DAAM1: variants seen among roughly 807,000 people sequenced by gnomAD.
DAAM1 encodes the protein dishevelled associated activator of morphogenesis 1, also known as disheveled-associated activator of morphogenesis 1.
DAAM1 carries 52 observed loss-of-function variants against 130.0 expected under a neutral mutation model. The ratio of observed to expected loss-of-function variants is 0.40; its 90% CI spans 0.32 to 0.50. The LOEUF (loss-of-function observed/expected upper bound fraction) is 0.50, where lower values mean the gene tolerates loss of function less well. DAAM1 is among the 20% of genes least tolerant of loss of function. The pLI, the probability that DAAM1 is intolerant of heterozygous loss-of-function variation, is 0.61. For missense variants in DAAM1, 1,134 were observed against 1,303.8 expected, an observed-to-expected ratio of 0.87 and a Z score of 2.01; for synonymous variants, 452 against 444.5, an observed-to-expected ratio of 1.02 and a Z score of -0.21.
chr14:59,350,715 A>G (rs1886258587), intron 17 of DAAM1, among the ~76,000 whole-genome samples: 1 of 152,014 alleles, frequency 6.6e-6, no homozygotes, highest in South Asian at 2.1e-4. Flanking sequence ...GTTGGCACCC[A>G]TGGCTGCATG....
At chr14:59,236,077 C>T (rs574713331) in intron 1 of DAAM1, among the ~76,000 whole-genome samples, 2 of 152,084 alleles carry the variant, frequency 1.3e-5, no homozygotes, top group Admixed American at 1.3e-4. Context: ...AAATTTTGTT[C>T]CCCCCAACCC....
chr14:59,325,886 C>G, intron 9 of DAAM1, 74 bp from the exon 10 acceptor site: 1 of 1,545,354 alleles, frequency 6.5e-7, no homozygotes, highest in Non-Finnish European at 8.9e-7. Context: ...CTTCTGTTTG[C>G]TTTGAGTTTA....
chr14:59,256,965 G>A (rs1881920549), intron 1 of DAAM1, among the ~76,000 whole-genome samples: 1 of 152,144 alleles, frequency 6.6e-6, no homozygotes, highest in Non-Finnish European at 1.5e-5. Flanking sequence ...TTTTATCAGC[G>A]AGTCTCTTTT....
intron 1 of DAAM1, among the ~76,000 whole-genome samples, chr14:59,202,477 A>G (rs764191791): frequency 9.2e-5 from 14 of 152,242 alleles, no homozygotes; most frequent in Non-Finnish European, 1.9e-4. Context: ...CCCATAAACC[A>G]TAAAAGCAAC....
chr14:59,251,602 C>G (rs903628628), intron 1 of DAAM1, among the ~76,000 whole-genome samples: 6 of 152,132 alleles, frequency 3.9e-5, no homozygotes, highest in African/African-American at 1.4e-4. Flanking sequence ...AGCTGACATA[C>G]CAACTTAATG....
At chr14:59,261,772 A>G (rs1159479993) in intron 1 of DAAM1, among the ~76,000 whole-genome samples, 1 of 152,194 alleles carries the variant, frequency 6.6e-6, no homozygotes, top group Non-Finnish European at 1.5e-5. Context: ...CAGATTTTGG[A>G]GTTGGATTAT....
chr14:59,331,534 T>G (rs1295841812), intron 14 of DAAM1, 26 bp downstream of exon 14: 25 of 1,556,074 alleles, frequency 1.6e-5, no homozygotes, highest in Non-Finnish European at 2.0e-5. Flanking sequence ...CAGTTTTCCC[T>G]TTAATGGATA....
chr14:59,360,466 A>G (rs997218431), intron 21 of DAAM1, among the ~76,000 whole-genome samples: 2 of 152,248 alleles, frequency 1.3e-5, no homozygotes, highest in African/African-American at 4.8e-5. Context: ...GGAGCCAAGT[A>G]TGGCAAGAGA....
chr14:59,266,840 A>G (rs932009817), intron 2 of DAAM1, among the ~76,000 whole-genome samples: 3 of 152,156 alleles, frequency 2.0e-5, no homozygotes, highest in Non-Finnish European at 4.4e-5. Context: ...GGAGTCAAAC[A>G]CTTTTCCCAA....
rs184695796 is a variant in DAAM1 at position 59,234,621 on chromosome 14, T to C, written c.-37-28820T>C. Among the ~76,000 whole-genome samples, 322 of 152,276 alleles carry C rather than the reference T, an allele frequency of 2.1e-3. 1 individual carries two copies. Among genetic ancestry groups the C allele is most frequent in the African/African-American group, 7.2e-3 (299 of 41,552 alleles). On this transcript the variant is annotated intron_variant, in intron 1 of 24. Transcript: ENST00000360909. ...TTCCTATTTGAATACCCTTTATTTCTTTCTCTTGCCTGATTGCCATGGCCA... is the reference window on the plus strand; with the variant it reads ...TTCCTATTTGAATACCCTTTATTTCCTTCTCTTGCCTGATTGCCATGGCCA...
At chr14:59,239,237 A>G (rs1594774174) in intron 1 of DAAM1, among the ~76,000 whole-genome samples, 2 of 152,342 alleles carry the variant, frequency 1.3e-5, no homozygotes, top group South Asian at 2.1e-4. Flanking sequence ...TGGTGCTAAC[A>G]CTTACTTTTT....
chr14:59,326,148 G>A (rs1885194708), intron 10 of DAAM1, 71 bp downstream of exon 10: 2 of 1,412,708 alleles, frequency 1.4e-6, no homozygotes, highest in African/African-American at 2.8e-5. Flanking sequence ...TCTGGCTCCT[G>A]CACAGTGCTG....
In DAAM1 at chr14:59,315,187, G is replaced by C. The variant is rs1319785978; in HGVS notation, c.274-93G>C. The C allele has an allele frequency of 4.6e-6, 5 of 1,082,268 alleles. No homozygotes were observed. The African/African-American group carries it at 4.6e-5, about 10-fold the overall frequency. 67.0% of individuals were successfully genotyped at this position (1,082,268 alleles called of 1,614,324 possible). A position where few individuals can be genotyped will look rare whatever the true frequency, so the allele number is the denominator to read the frequency against. ...TTCGTGTCTTCTAAAGGCTTGAGTG[G>C]GTCATTGTCTGGGTGCTCTGGAAGT... On this transcript the variant is annotated intron_variant, in intron 3 of 24. Coordinates refer to ENST00000360909, the MANE Select transcript of DAAM1 (RefSeq NM_001270520.2).
At chr14:59,269,333 A>T (rs1464785698) in intron 2 of DAAM1, among the ~76,000 whole-genome samples, 1 of 152,214 alleles carries the variant, frequency 6.6e-6, no homozygotes, top group Non-Finnish European at 1.5e-5. Flanking sequence ...CCTCTTGGGA[A>T]CATGCACAGC....
intron 1 of DAAM1, among the ~76,000 whole-genome samples, chr14:59,253,153 G>C (rs774474306): frequency 3.9e-5 from 6 of 152,130 alleles, no homozygotes; most frequent in Admixed American, 1.3e-4. Context: ...ACAGAGGGGA[G>C]GCAAAAATAT....
chr14:59,196,622 A>G (rs1156525137), intron 1 of DAAM1, among the ~76,000 whole-genome samples: 1 of 152,106 alleles, frequency 6.6e-6, no homozygotes, highest in Admixed American at 6.5e-5. Context: ...GGGCGCCTGT[A>G]GTCCCAGCTA....
intron 11 of DAAM1, 74 bp downstream of exon 11, chr14:59,326,722 G>A: frequency 3.2e-6 from 5 of 1,576,634 alleles, no homozygotes; most frequent in Non-Finnish European, 4.3e-6. Context: ...CTACTTCAGA[G>A]TAACAGCTGG....
At chr14:59,203,760 T>A (rs1888182522) in intron 1 of DAAM1, among the ~76,000 whole-genome samples, 1 of 152,202 alleles carries the variant, frequency 6.6e-6, no homozygotes, top group Non-Finnish European at 1.5e-5. Flanking sequence ...CAAGCTAAGG[T>A]TTTGGTGATG....
At chr14:59,351,894 A>G (rs1566719130) in intron 17 of DAAM1, among the ~76,000 whole-genome samples, 1 of 152,120 alleles carries the variant, frequency 6.6e-6, no homozygotes, top group East Asian at 1.9e-4. Flanking sequence ...ATATTTTACT[A>G]TTTCTTCCAC....
Sources: allele counts gnomAD v4.1 joint callset (sites outside exome capture counted in the v4.1 genomes callset), GRCh38; gene constraint gnomAD v4.1.1; transcripts MANE v1.5; gene names NCBI Gene and HGNC (gene_info 2026-07-23, HGNC 2026-07-21).